The following RIF1 variants were observed in gnomAD, a reference collection of about 807,000 sequenced individuals.
RIF1 encodes the protein telomere-associated protein RIF1.
Under a neutral mutation model 247.1 loss-of-function variants are expected in RIF1, and 45 were observed. The observed-to-expected ratio is 0.18, with a 90% CI of 0.14 to 0.23. The LOEUF (loss-of-function observed/expected upper bound fraction) is 0.23. Among genes scored for constraint, RIF1 ranks in the 10% least tolerant of loss-of-function variants. The pLI is 1.00. For synonymous variants in RIF1, 1,087 were observed against 978.8 expected, an observed-to-expected ratio of 1.11 and a Z score of -2.06; for missense variants, 2,967 against 2,862.5, an observed-to-expected ratio of 1.04 and a Z score of -0.83.
the RIF1 span, among the ~76,000 whole-genome samples, chr2:151,533,883 G>GT: frequency 6.6e-6 from 1 of 152,170 alleles, no homozygotes; most frequent in African/African-American, 2.4e-5. Flanking sequence ...ATTTTTGTTT[G>GT]TTTTTTGTTG....
chr2:151,430,146 G>T (rs1022388154), intron 9 of RIF1, among the ~76,000 whole-genome samples: 2 of 149,228 alleles, frequency 1.3e-5, no homozygotes, highest in Non-Finnish European at 3.0e-5. Context: ...TCAGCCTCCC[G>T]ATTAGTTGGG....
chr2:151,530,463 G>A, the RIF1 span, among the ~76,000 whole-genome samples: 7 of 152,334 alleles, frequency 4.6e-5, no homozygotes, highest in Admixed American at 2.0e-4. Flanking sequence ...AAAGTAAACT[G>A]TTCCGAGGGA....
At chr2:151,516,726 T>G in the RIF1 span, among the ~76,000 whole-genome samples, 2 of 152,206 alleles carry the variant, frequency 1.3e-5, no homozygotes, top group Non-Finnish European at 2.9e-5. Context: ...ATTTTTGTTG[T>G]TGTCTAGGTG....
At chr2:151,469,184 C>G (rs374921370) in intron 33 of RIF1, among the ~76,000 whole-genome samples, 31 of 152,030 alleles carry the variant, frequency 2.0e-4, no homozygotes, top group African/African-American at 7.2e-4. Flanking sequence ...AAGTTTGTTT[C>G]CTTGATGTTT....
At chr2:151,453,617 C>G (rs1041516344) in intron 21 of RIF1, among the ~76,000 whole-genome samples, 1 of 143,004 alleles carries the variant, frequency 7.0e-6, no homozygotes, top group African/African-American at 2.6e-5. Flanking sequence ...ATTTTACTTT[C>G]TTAGAGTCTC....
At chr2:151,495,305 C>T (rs894097733) in exon 10 of RIF1, 1 of 152,166 alleles carries the variant, frequency 6.6e-6, no homozygotes, top group Non-Finnish European at 1.5e-5. Flanking sequence ...TGATTCTCAA[C>T]GTGGGGTCCT....
rs1444548819 is a variant in RIF1 at position 151,446,519 on chromosome 2, T to G, written c.2188T>G (p.Cys730Gly). The G allele has an allele frequency of 6.2e-7, 1 of 1,613,770 alleles. No individual in the cohort carries two copies. The highest frequency in any genetic ancestry group is 1.1e-5 in the South Asian group (1 of 90,844). The change falls in exon 20 of 36, where the codon TGC (cysteine) becomes GGC (glycine). Residue 730 changes from cysteine (C) to glycine (G), a missense_variant. Coordinates refer to ENST00000444746, the MANE Select transcript of RIF1 (RefSeq NM_018151.5). ...GGTGGCAACAGCAGAAGAGAACTTG[T>G]GCTGTGAGGAACTTTCTTCCAAGAT... Reference protein sequence around the residue: ...ALVATAEENLCCEELSSKIMS... With the variant: ...ALVATAEENLGCEELSSKIMS...
the RIF1 span, among the ~76,000 whole-genome samples, chr2:151,518,016 C>G: frequency 1.3e-5 from 2 of 152,126 alleles, no homozygotes; most frequent in African/African-American, 4.8e-5. Context: ...TGTTCCCTAA[C>G]CTGGGGCACA....
At chr2:151,410,558 T>G (rs4664045) in intron 2 of RIF1, 31 bp downstream of exon 2, 660,266 of 1,557,246 alleles carry the variant, frequency 0.42, 140,296 homozygotes, top group East Asian at 0.47. Flanking sequence ...TAGCGGAGAG[T>G]GGGGCGCTCT....
chr2:151,519,669 G>A, the RIF1 span: 1 of 1,607,446 alleles, frequency 6.2e-7, no homozygotes, highest in Non-Finnish European at 8.5e-7. Flanking sequence ...TCACTTGCAA[G>A]ATTATTAGCA....
chr2:151,496,135 A>G lies in RIF1; in HGVS notation c.*513+809A>G. The G allele has an allele frequency of 4.1e-6, 4 of 969,822 alleles. No individual in the cohort carries two copies. The South Asian group carries it at 4.8e-5, about 12-fold the overall frequency. 60.1% of individuals were successfully genotyped at this position (969,822 alleles called of 1,614,324 possible). On this transcript the variant is annotated intron_variant and NMD_transcript_variant, in intron 10 of 13. Transcript: ENST00000454583. ...ATGGGGTTAGGCTAGAAGTAGCCCA[A>G]AGGAAAAAAGGGTAAATTTGCTAAA...
chr2:151,485,174 G>C (rs1337105613), downstream of RIF1, among the ~76,000 whole-genome samples: 1 of 152,198 alleles, frequency 6.6e-6, no homozygotes, highest in Non-Finnish European at 1.5e-5. Flanking sequence ...CTTGCTGAAT[G>C]CAAGTATAGA....
At chr2:151,445,516 A>G in intron 19 of RIF1, 71 bp downstream of exon 19, 2 of 824,862 alleles carry the variant, frequency 2.4e-6, no homozygotes, top group Admixed American at 2.0e-5. Context: ...ATCCTTTATA[A>G]TCAGCTTCCA....
chr2:151,508,726 G>GAGCACTACTAAGCCAGCTAAGTCAGCT (rs1230538313), downstream of RIF1, among the ~76,000 whole-genome samples: 3 of 152,192 alleles, frequency 2.0e-5, no homozygotes, highest in African/African-American at 7.2e-5. Context: ...GACACACCTG[G>GAGCACTACTAAGCCAGCTAAGTCAGCT]AGCACTACTA....
the RIF1 span, among the ~76,000 whole-genome samples, chr2:151,513,138 CAAAT>C: frequency 1.3e-5 from 2 of 152,036 alleles, no homozygotes; most frequent in African/African-American, 4.8e-5. Flanking sequence ...GGGAGGATGA[CAAAT>C]AAGCAAAAGA....
chr2:151,450,030 G>A (rs1445108369), intron 20 of RIF1, among the ~76,000 whole-genome samples: 4 of 151,852 alleles, frequency 2.6e-5, no homozygotes, highest in South Asian at 2.1e-4. Context: ...TAGTAGAGAC[G>A]GGGTTTCTCC....
chr2:151,505,088 A>G (rs1037953340), intron 12 of RIF1, among the ~76,000 whole-genome samples: 5 of 152,162 alleles, frequency 3.3e-5, no homozygotes, highest in African/African-American at 1.2e-4. Flanking sequence ...TATACACAAA[A>G]CCAAAGTATG....
the RIF1 span, chr2:151,526,271 G>A: frequency 5.1e-6 from 8 of 1,580,728 alleles, no homozygotes; most frequent in Admixed American, 5.2e-5. Context: ...AGCTTCAGGG[G>A]CAGGAAAAGG....
At chr2:151,439,753 A>G (rs936899753) in intron 14 of RIF1, among the ~76,000 whole-genome samples, 1 of 149,946 alleles carries the variant, frequency 6.7e-6, no homozygotes, top group East Asian at 2.0e-4. Flanking sequence ...GGAAGCTGAG[A>G]TGGGTGGATC....
Sources: allele counts gnomAD v4.1 joint callset (sites outside exome capture counted in the v4.1 genomes callset), GRCh38; gene constraint gnomAD v4.1.1; transcripts MANE v1.5; gene names NCBI Gene and HGNC (gene_info 2026-07-23, HGNC 2026-07-21).